Variants in DDX4 observed in about 807,000 individuals in gnomAD.
The protein encoded by DDX4 is DEAD-box helicase 4.
In DDX4, 25 loss-of-function variants were observed where a neutral mutation model predicts 100.0. The observed-to-expected ratio is 0.25, with a 90% CI of 0.18 to 0.35. The LOEUF (loss-of-function observed/expected upper bound fraction) is 0.35. DDX4 is among the 10% of genes least tolerant of loss of function. The pLI is 1.00. For missense variants in DDX4, 635 were observed against 882.4 expected, an observed-to-expected ratio of 0.72 and a Z score of 3.55; for synonymous variants, 259 against 275.7, an observed-to-expected ratio of 0.94 and a Z score of 0.60.
intron 2 of DDX4, among the ~76,000 whole-genome samples, chr5:55,740,640 G>GGA (rs1442135355): frequency 2.0e-5 from 3 of 150,274 alleles, no homozygotes; most frequent in Non-Finnish European, 4.4e-5. Context: ...CAAGTAGCTG[G>GGA]GACTACACGT....
intron 16 of DDX4, among the ~76,000 whole-genome samples, chr5:55,791,625 A>T (rs147185654): frequency 3.0e-3 from 450 of 152,300 alleles, no homozygotes; most frequent in African/African-American, 0.011. Context: ...TGCTGTTAGG[A>T]TATTTTCTTT....
At chr5:55,745,867 T>G (rs1759220895) in intron 2 of DDX4, among the ~76,000 whole-genome samples, 1 of 152,240 alleles carries the variant, frequency 6.6e-6, no homozygotes, top group Non-Finnish European at 1.5e-5. Flanking sequence ...ACTTTGCTGT[T>G]GTAGTACTTC....
chr5:55,769,734 T>A (rs1373129851), intron 7 of DDX4, among the ~76,000 whole-genome samples: 2 of 152,126 alleles, frequency 1.3e-5, no homozygotes, highest in African/African-American at 4.8e-5. Flanking sequence ...AGAACAAAGC[T>A]GGAAAGCGTC....
At chr5:55,762,524 A>G (rs1259378088) in intron 4 of DDX4, among the ~76,000 whole-genome samples, 1 of 152,196 alleles carries the variant, frequency 6.6e-6, no homozygotes. Context: ...TGCCATGCCA[A>G]AGGAATAGCA....
At chr5:55,811,755 A>C (rs1047883276) in intron 18 of DDX4, among the ~76,000 whole-genome samples, 2 of 152,214 alleles carry the variant, frequency 1.3e-5, no homozygotes, top group African/African-American at 4.8e-5. Context: ...AGCATTGTCT[A>C]CTGTTTTCAG....
chr5:55,739,051 T>A lies in DDX4; in HGVS notation c.69+19T>A, dbSNP rs781567230. 2.1e-6 allele frequency: 3 copies of A among 1,425,174 alleles called. No individual in the cohort carries two copies. In the East Asian group the frequency reaches 6.8e-5, roughly 32 times the overall value. 88.3% of individuals were successfully genotyped at this position (1,425,174 alleles called of 1,614,324 possible). On this transcript the variant is annotated intron_variant, in intron 2 of 21. Coordinates refer to ENST00000505374, the MANE Select transcript of DDX4 (RefSeq NM_024415.3). The stretch of plus-strand genomic sequence containing the variant: ...TGAGAAGGTAATAACATTTAAAGTT[T>A]AGTTATTAAATGCTACGGATTTTAT...
chr5:55,789,737 C>T (rs1296412600), intron 15 of DDX4, among the ~76,000 whole-genome samples: 7 of 152,100 alleles, frequency 4.6e-5, no homozygotes, highest in Admixed American at 3.3e-4. Flanking sequence ...AAATGAAACA[C>T]GGGATTCTTC....
At chr5:55,768,378 C>T (rs1346452655) in intron 7 of DDX4, among the ~76,000 whole-genome samples, 1 of 152,084 alleles carries the variant, frequency 6.6e-6, no homozygotes, top group Non-Finnish European at 1.5e-5. Flanking sequence ...TGAGAACATT[C>T]AGTATTTGGC....
intron 21 of DDX4, 79 bp downstream of exon 21, chr5:55,815,502 A>C: frequency 6.8e-7 from 1 of 1,461,060 alleles, no homozygotes; most frequent in Non-Finnish European, 9.0e-7. Flanking sequence ...TGAAGTAACT[A>C]TAATATTTAA....
At chr5:55,796,034 C>T (rs115974106) in intron 17 of DDX4, among the ~76,000 whole-genome samples, 2 of 152,142 alleles carry the variant, frequency 1.3e-5, no homozygotes, top group African/African-American at 4.8e-5. Context: ...TCCAAAGAAC[C>T]TGGAGTATGA....
intron 7 of DDX4, among the ~76,000 whole-genome samples, chr5:55,774,721 C>A (rs890073056): frequency 6.6e-6 from 1 of 151,986 alleles, no homozygotes; most frequent in Non-Finnish European, 1.5e-5. Flanking sequence ...GGTCCAAATT[C>A]TTTTGCATAT....
intron 11 of DDX4, 38 bp downstream of exon 11, chr5:55,785,382 T>C: frequency 6.3e-7 from 1 of 1,584,822 alleles, no homozygotes; most frequent in Non-Finnish European, 8.6e-7. Context: ...ATTTTTATAG[T>C]GAGAGTTCTT....
intron 18 of DDX4, among the ~76,000 whole-genome samples, chr5:55,801,063 A>G (rs2112117310): frequency 6.6e-6 from 1 of 152,322 alleles, no homozygotes. Flanking sequence ...AAGATGTTAC[A>G]GCTAGTCAAA....
intron 18 of DDX4, 49 bp downstream of exon 18, chr5:55,798,620 T>C: frequency 6.6e-7 from 1 of 1,512,394 alleles, no homozygotes; most frequent in South Asian, 1.3e-5. Context: ...TTTTTTTTAA[T>C]GAATAATTTA....
Position 55,792,785 on chromosome 5 carries a change from A to G in DDX4, c.1447A>G (p.Thr483Ala). The G allele has an allele frequency of 1.4e-6, 2 of 1,437,754 alleles. No individual in the cohort carries two copies. The highest frequency in any genetic ancestry group is 9.2e-7 in the Non-Finnish European group (1 of 1,092,036). The allele number at this position is 1,437,754 out of a possible 1,614,324, so 89.1% of individuals were successfully genotyped here. Reference sequence around the variant, plus strand: ...GCGCCAAACCCTTATGTTCAGTGCAACTTTTCCAGAGGAAATTCAAAGGTT... The same window carrying G: ...GCGCCAAACCCTTATGTTCAGTGCAGCTTTTCCAGAGGAAATTCAAAGGTT... ...EQRQTLMFSATFPEEIQRLAA... is the reference protein window; with the variant it reads ...EQRQTLMFSAAFPEEIQRLAA... The change falls in exon 17 of 22, where the codon ACT becomes GCT. Residue 483 changes from threonine to alanine, a missense_variant. Physicochemically the swap from Thr to Ala is moderately conservative, Grantham distance 58. Transcript: ENST00000505374.
At position 55,785,741 on chromosome 5, in the gene DDX4, C is replaced by T; in HGVS notation, c.734C>T (p.Thr245Ile). ...TTTAAATTCCAAGGACCAAAAGTGACCTACATACCCCCTCCTCCACCTGAG... is the reference window on the plus strand; with the variant it reads ...TTTAAATTCCAAGGACCAAAAGTGATCTACATACCCCCTCCTCCACCTGAG... The part of the protein sequence containing the change: ...ESSDTQGPKV[T>I]YIPPPPPEDE... Residue 245 changes from threonine to isoleucine, a missense_variant, in exon 13 of 22, where the codon ACC becomes ATC. Transcript: ENST00000505374. 6.2e-7 allele frequency: 1 copy of T among 1,611,838 alleles called. No homozygotes were observed. Among genetic ancestry groups the T allele is most frequent in the East Asian group, 2.2e-5 (1 of 44,856 alleles).
intron 6 of DDX4, among the ~76,000 whole-genome samples, chr5:55,765,411 A>AT (rs1285869924): frequency 0.014 from 1,386 of 99,686 alleles, 14 homozygotes; most frequent in African/African-American, 0.047. Context: ...AAAAAAAAAA[A>AT]AAATATATAT....
chr5:55,740,605 A>G (rs1368561477), intron 2 of DDX4, among the ~76,000 whole-genome samples: 1 of 150,232 alleles, frequency 6.7e-6, no homozygotes, highest in African/African-American at 2.5e-5. Flanking sequence ...TCCTAGGTTC[A>G]AGCGATTTTC....
chr5:55,753,653 G>C (rs1459252595), intron 3 of DDX4, among the ~76,000 whole-genome samples: 18 of 147,334 alleles, frequency 1.2e-4, no homozygotes, highest in South Asian at 9.0e-4. Flanking sequence ...TTGGCGATGC[G>C]GGCTCTTTTT....
Sources: gnomAD v4.1 joint callset for allele counts (sites outside exome capture counted in the v4.1 genomes callset) on GRCh38, gnomAD v4.1.1 for gene constraint, MANE v1.5 for transcripts, NCBI Gene and HGNC (gene_info 2026-07-23, HGNC 2026-07-21) for gene names.